Variants in MACF1 observed in about 807,000 individuals in gnomAD.
MACF1 encodes the protein microtubule actin crosslinking factor 1.
In MACF1, 193 loss-of-function variants were observed where a neutral mutation model predicts 854.8. That is an observed-to-expected ratio of 0.23 (90% CI 0.20 to 0.25). MACF1 has a LOEUF of 0.25. MACF1 is among the 10% of genes least tolerant of loss of function. The pLI, the probability that MACF1 is intolerant of heterozygous loss-of-function variation, is 1.00. For synonymous variants in MACF1, 3,185 were observed against 3,226.7 expected (o/e 0.99, Z 0.44); for missense variants, 7,722 against 8,929.1 (o/e 0.86, Z 5.45).
At chr1:39,241,255 T>G (rs912321339) in intron 2 of MACF1, among the ~76,000 whole-genome samples, 4 of 152,200 alleles carry the variant, frequency 2.6e-5, no homozygotes, top group African/African-American at 9.7e-5. Context: ...AACTTTCTCC[T>G]CTGCCCTATA....
At chr1:39,385,372 A>C in intron 56 of MACF1, 62 bp from the exon 57 acceptor site, 1 of 1,561,548 alleles carries the variant, frequency 6.4e-7, no homozygotes. Context: ...CTGGCCTGAC[A>C]CTGCTTTTAG....
At chr1:39,177,411 C>T (rs1156234214) in intron 2 of MACF1, among the ~76,000 whole-genome samples, 1 of 152,124 alleles carries the variant, frequency 6.6e-6, no homozygotes, top group Non-Finnish European at 1.5e-5. Context: ...CGTGAGCCAC[C>T]TTTCCCGGCC....
At chr1:39,181,375 T>C (rs1235867229) in intron 2 of MACF1, among the ~76,000 whole-genome samples, 1 of 152,224 alleles carries the variant, frequency 6.6e-6, no homozygotes, top group African/African-American at 2.4e-5. Context: ...CGTTCATGCA[T>C]TGGAAGACTT....
At chr1:39,477,775 G>A (rs1328108807) in intron 97 of MACF1, among the ~76,000 whole-genome samples, 1 of 152,058 alleles carries the variant, frequency 6.6e-6, no homozygotes, top group Non-Finnish European at 1.5e-5. Flanking sequence ...GCCTCTGTGA[G>A]TACTTAAGTG....
chr1:39,173,875 C>A (rs1188094008), intron 2 of MACF1, among the ~76,000 whole-genome samples: 2 of 152,006 alleles, frequency 1.3e-5, no homozygotes, highest in African/African-American at 2.4e-5. Context: ...ATACCAAGGC[C>A]TTTTGTTTGC....
At chr1:39,358,609 G>A in intron 45 of MACF1, 88 bp from the exon 46 acceptor site, 3 of 1,274,082 alleles carry the variant, frequency 2.4e-6, no homozygotes, top group African/African-American at 1.5e-5. Context: ...TGAGTTGTCT[G>A]TAACAAAGCC....
chr1:39,391,041 G>A (rs983415547), intron 58 of MACF1, among the ~76,000 whole-genome samples: 1 of 151,802 alleles, frequency 6.6e-6, no homozygotes, highest in African/African-American at 2.4e-5. Context: ...AACCCAGGAG[G>A]TGGAGCTTGC....
At chr1:39,484,014 G>T (rs753742788) in intron 99 of MACF1, among the ~76,000 whole-genome samples, 1 of 152,190 alleles carries the variant, frequency 6.6e-6, no homozygotes, top group Non-Finnish European at 1.5e-5. Flanking sequence ...TTAGCTGGAC[G>T]TGGTGGCGGG....
chr1:39,306,635 G>T (rs1646184140), intron 23 of MACF1, among the ~76,000 whole-genome samples: 1 of 131,426 alleles, frequency 7.6e-6, no homozygotes, highest in African/African-American at 2.8e-5. Context: ...TTTTAGTCCG[G>T]ACCTGTTCTG....
Position 39,361,619 on chromosome 1 carries a change from T to A in MACF1, c.12713T>A (p.Met4238Lys), listed in dbSNP as rs780070225. Residue 4238 changes from methionine (M) to lysine (K), a missense_variant, in exon 49 of 101, where the codon ATG becomes AAG. By Grantham distance (95) the Met-to-Lys change is moderately conservative. This residue lies in a region of MACF1 where 2,807 missense variants were observed against 3,235.8 expected (regional missense o/e 0.87). Transcript: ENST00000564288. Reference sequence around the variant, plus strand: ...CAGTTCATGGAAAACAAAAGTCGGATGCTGGCCTCTGGAAATCAGCCAGAT... The same window carrying A: ...CAGTTCATGGAAAACAAAAGTCGGAAGCTGGCCTCTGGAAATCAGCCAGAT... ...LQQFMENKSR[M>K]LASGNQPDQD... 6.2e-7 allele frequency: 1 copy of A among 1,614,200 alleles called. No individual in the cohort carries two copies. Among genetic ancestry groups the A allele is most frequent in the South Asian group, 1.1e-5 (1 of 91,090 alleles).
chr1:39,430,981 A>G (rs1273307934), intron 66 of MACF1, 73 bp downstream of exon 66: 7 of 1,293,812 alleles, frequency 5.4e-6, no homozygotes, highest in South Asian at 2.4e-5. Flanking sequence ...TATGACCCAC[A>G]TAAATACAGA....
chr1:39,390,663 G>T (rs148221738), intron 58 of MACF1, among the ~76,000 whole-genome samples: 1 of 152,108 alleles, frequency 6.6e-6, no homozygotes, highest in Non-Finnish European at 1.5e-5. Flanking sequence ...TTCCTCTTTT[G>T]TTATAAGTGT....
intron 67 of MACF1, 78 bp downstream of exon 67, chr1:39,432,732 G>A (rs1643895659): frequency 5.0e-6 from 7 of 1,407,780 alleles, no homozygotes; most frequent in Non-Finnish European, 6.7e-6. Context: ...ACTATCCCAT[G>A]TCAAGTGGAA....
At chr1:39,178,040 C>CTGTCAGGGAAATCTTTAGGT (rs1644054334) in intron 2 of MACF1, among the ~76,000 whole-genome samples, 3 of 151,486 alleles carry the variant, frequency 2.0e-5, no homozygotes, top group Non-Finnish European at 4.4e-5. Context: ...AATCTTTAGG[C>CTGTCAGGGAAATCTTTAGGT]TGTCAGGGAA....
At position 39,084,753 on chromosome 1, in the gene MACF1, T is replaced by C. The variant is rs746157022; in HGVS notation, c.220+315T>C. Among the ~76,000 whole-genome samples, 1 of 152,206 alleles carries C rather than the reference T, an allele frequency of 6.6e-6. No individual in the cohort carries two copies. The highest frequency in any genetic ancestry group is 2.4e-5 in the African/African-American group (1 of 41,458). ...GCTTAGGTACCATTCTGCATCTGAC[T>C]CTTTTCAGTTAATCTTATATTAAAA... On this transcript the variant is annotated intron_variant, in intron 2 of 93. Coordinates refer to the MACF1 transcript ENST00000361689. This position sits in a 1 kb window ranked among gnomAD's most constrained non-coding sequence, Gnocchi z 5.2.
In MACF1 at chr1:39,248,947, C is replaced by T. The variant is rs546529895; in HGVS notation, c.172-1067C>T. Among the ~76,000 whole-genome samples, 336 of 152,104 alleles carry T rather than the reference C, an allele frequency of 2.2e-3. 2 individuals are homozygous for T. The highest frequency in any genetic ancestry group is 4.8e-3 in the Admixed American group (74 of 15,276). On this transcript the variant is annotated intron_variant, in intron 2 of 100. Transcript: ENST00000564288. ...CTCCCCACATTGCCCAGGCTGATCT[C>T]GAACTCCTAGGCTTATCTCAAACTC...
Position 39,293,595 on chromosome 1 carries a change from C to A in MACF1, c.2130C>A (p.Ile710=). The change falls in exon 18 of 101, where the codon ATC becomes ATA. Residue 710 remains isoleucine, a synonymous_variant. Coordinates refer to ENST00000564288, the MANE Select transcript of MACF1 (RefSeq NM_001394062.1). ...ACTGGAGTGACAACAATTCCAATATCTCAGCCAAGAGAAATTACTTCTCTG... is the reference window on the plus strand; with the variant it reads ...ACTGGAGTGACAACAATTCCAATATATCAGCCAAGAGAAATTACTTCTCTG... ...AYDWSDNNSN[I]SAKRNYFSEL... is the part of the protein sequence containing the mutation. 8.1e-6 allele frequency: 13 copies of A among 1,613,230 alleles called. No individual in the cohort carries two copies. The highest frequency in any genetic ancestry group is 1.1e-5 in the Non-Finnish European group (13 of 1,179,508).
intron 6 of MACF1, among the ~76,000 whole-genome samples, chr1:39,264,056 A>G (rs551980000): frequency 6.6e-6 from 1 of 152,266 alleles, no homozygotes; most frequent in South Asian, 2.1e-4. Flanking sequence ...TACAGGCATG[A>G]GCCACTGTGC....
intron 49 of MACF1, among the ~76,000 whole-genome samples, chr1:39,362,824 A>T (rs1432281713): frequency 6.6e-6 from 1 of 152,170 alleles, no homozygotes; most frequent in Non-Finnish European, 1.5e-5. Flanking sequence ...TAGTGTTAGG[A>T]AATATATGTG....
Sources: allele counts gnomAD v4.1 joint callset (sites outside exome capture counted in the v4.1 genomes callset), GRCh38; gene constraint gnomAD v4.1.1; regional missense constraint gnomAD v4.1.1; non-coding constraint Gnocchi (gnomAD v3.1); transcripts MANE v1.5; gene names NCBI Gene and HGNC (gene_info 2026-07-23, HGNC 2026-07-21).